Variants in MYH13 observed in about 807,000 individuals in gnomAD.
MYH13 encodes the protein myosin-13.
Under a neutral mutation model 232.1 loss-of-function variants are expected in MYH13, and 177 were observed. The observed-to-expected ratio is 0.76, with a 90% CI of 0.67 to 0.86. The LOEUF is 0.86. Ranked by LOEUF, MYH13 falls within the 40% of genes least tolerant of loss-of-function variation. The pLI, the probability that MYH13 is intolerant of heterozygous loss-of-function variation, is 0.00. For synonymous variants in MYH13, 884 were observed against 923.5 expected, an observed-to-expected ratio of 0.96 and a Z score of 0.78; for missense variants, 2,246 against 2,405.9, an observed-to-expected ratio of 0.93 and a Z score of 1.39.
intron 27 of MYH13, among the ~76,000 whole-genome samples, chr17:10,316,328 G>A (rs1182828946): frequency 2.0e-5 from 3 of 152,126 alleles, no homozygotes. Context: ...AGGCGTGGTG[G>A]TGCATGCCTG....
chr17:10,337,505 G>C (rs556277337), intron 18 of MYH13, among the ~76,000 whole-genome samples: 1 of 152,310 alleles, frequency 6.6e-6, no homozygotes, highest in African/African-American at 2.4e-5. Flanking sequence ...GGAGGGACTT[G>C]AGATTTGATC....
rs75894505 is a variant in MYH13 at position 10,310,669 on chromosome 17, G to A, written c.4656+434C>T. On this transcript the variant is annotated intron_variant, in intron 33 of 40. Coordinates refer to ENST00000252172, the MANE Select transcript of MYH13 (RefSeq NM_003802.3). ...AACTGCTCTCCTGTTATCCTGTGTC[G>A]GTTCGTATTTCCCTAGAAACCACCA... Among the ~76,000 whole-genome samples, 344 of 152,122 alleles carry A rather than the reference G, an allele frequency of 2.3e-3. 4 individuals are homozygous for A. In the East Asian group the frequency reaches 0.027, roughly 12 times the overall value.
rs941019053 is a variant in MYH13, at chr17:10,350,462, C to T, written c.1144+94G>A. 36 of 1,508,748 alleles carry T rather than the reference C, an allele frequency of 2.4e-5. No homozygotes were observed. In the South Asian group the frequency reaches 4.7e-4, roughly 20 times the overall value. The allele number at this position is 1,508,748 out of a possible 1,614,324, so 93.5% of individuals were successfully genotyped here. A position where few individuals can be genotyped will look rare whatever the true frequency, so the allele number is the denominator to read the frequency against. On this transcript the variant is annotated intron_variant, in intron 12 of 40. Coordinates refer to ENST00000252172, the MANE Select transcript of MYH13 (RefSeq NM_003802.3). ...TTTGATTTATGCAGTTTTGGAAGAA[C>T]AGCTCTTGAAATGAATGCAGTTTAT...
At chr17:10,329,188 G>A (rs1422150711) in intron 21 of MYH13, among the ~76,000 whole-genome samples, 3 of 152,116 alleles carry the variant, frequency 2.0e-5, no homozygotes, top group Non-Finnish European at 4.4e-5. Context: ...CATACATGGT[G>A]GCGGTTCATT....
chr17:10,306,639 T>C lies in MYH13; in HGVS notation c.5296-10A>G. 1 of 1,613,826 alleles carries C rather than the reference T, an allele frequency of 6.2e-7. No homozygotes were observed. Among genetic ancestry groups the C allele is most frequent in the Non-Finnish European group, 8.5e-7 (1 of 1,179,972 alleles). ...CAGCCATCATGGCAGCCTGGTTAAG[T>C]TCACAGGACACATCAGAGGCCCTGT... On this transcript the variant is annotated splice_polypyrimidine_tract_variant and intron_variant, in intron 36 of 40. Transcript: ENST00000252172. This position sits in a 1 kb window ranked among gnomAD's most constrained non-coding sequence, Gnocchi z 4.3.
chr17:10,346,341 A>G (rs2071666341), intron 13 of MYH13, among the ~76,000 whole-genome samples: 1 of 152,102 alleles, frequency 6.6e-6, no homozygotes, highest in Non-Finnish European at 1.5e-5. Flanking sequence ...CTTGGGAGCT[A>G]TGGGGTGGCC....
chr17:10,311,937 A>G lies in MYH13; in HGVS notation c.4505T>C (p.Leu1502Pro), dbSNP rs372298751. The change falls in exon 32 of 41, where the codon CTG (leucine) becomes CCG (proline). Residue 1502 changes from leucine to proline, a missense_variant. Coordinates refer to ENST00000252172, the MANE Select transcript of MYH13 (RefSeq NM_003802.3). ...TTGCAGATTTTTGTTCTCTCGCCTC[A>G]GTGTCTCTAACTGGTCCACCACCTC... ...YEEVVDQLET[L>P]RRENKNLQEE... 3.7e-6 allele frequency: 6 copies of G among 1,613,954 alleles called. No individual in the cohort carries two copies. Among genetic ancestry groups the G allele is most frequent in the Non-Finnish European group, 5.1e-6 (6 of 1,179,892 alleles).
chr17:10,324,392 G>T, intron 22 of MYH13, 128 bp from the exon 23 acceptor site: 1 of 1,010,536 alleles, frequency 9.9e-7, no homozygotes, highest in Non-Finnish European at 1.5e-6. Context: ...ACACATGCAC[G>T]CACATGTGCA....
intron 16 of MYH13, among the ~76,000 whole-genome samples, chr17:10,342,603 C>A (rs1036738980): frequency 6.6e-6 from 1 of 152,124 alleles, no homozygotes; most frequent in African/African-American, 2.4e-5. Context: ...ATACAATGAA[C>A]TATTATTTGT....
chr17:10,345,414 A>G lies in MYH13; in HGVS notation c.1414-42T>C, dbSNP rs759892346. 11 of 1,614,104 alleles carry G rather than the reference A, an allele frequency of 6.8e-6. No individual in the cohort carries two copies. The East Asian group carries it at 2.0e-4, about 29-fold the overall frequency. On this transcript the variant is annotated intron_variant, in intron 14 of 40. Transcript: ENST00000252172. ...CCAAAGAATTTGAGTGAGCTTGGAAAATACATTGGAGATTCAGCAAAGCAG... is the reference window on the plus strand; with the variant it reads ...CCAAAGAATTTGAGTGAGCTTGGAAGATACATTGGAGATTCAGCAAAGCAG...
chr17:10,352,587 C>CAA (rs11459359), intron 11 of MYH13, among the ~76,000 whole-genome samples: 8 of 150,088 alleles, frequency 5.3e-5, no homozygotes, highest in East Asian at 4.0e-4. Context: ...GACTCCATCT[C>CAA]AAAAAAAACA....
chr17:10,359,013 C>T (rs564051882), intron 7 of MYH13, among the ~76,000 whole-genome samples: 1 of 152,344 alleles, frequency 6.6e-6, no homozygotes, highest in African/African-American at 2.4e-5. Flanking sequence ...CCACTTCCTG[C>T]TTTGCTCCAT....
chr17:10,320,827 C>T (rs560594837), intron 24 of MYH13, among the ~76,000 whole-genome samples: 1 of 152,326 alleles, frequency 6.6e-6, no homozygotes, highest in African/African-American at 2.4e-5. Flanking sequence ...CAAATGGGGG[C>T]TTCTGTGGAC....
At chr17:10,360,508 G>A (rs2142273428) in intron 5 of MYH13, among the ~76,000 whole-genome samples, 1 of 152,276 alleles carries the variant, frequency 6.6e-6, no homozygotes, top group African/African-American at 2.4e-5. Context: ...CATAAAGAAA[G>A]CAAGTGTCAG....
chr17:10,307,436 C>T lies in MYH13; in HGVS notation c.5170-372G>A, dbSNP rs187599009. On this transcript the variant is annotated intron_variant, in intron 35 of 40. Transcript: ENST00000252172. ...CCATAAATAGAATTGTAAGGGGTGACGACAAACTGGAAAACATTTGCAATG... is the reference window on the plus strand; with the variant it reads ...CCATAAATAGAATTGTAAGGGGTGATGACAAACTGGAAAACATTTGCAATG... 6.4e-4 allele frequency among the ~76,000 whole-genome samples: 97 copies of T among 151,868 alleles called. 1 individual carries two copies. Among genetic ancestry groups the T allele is most frequent in the South Asian group, 1.9e-3 (9 of 4,802 alleles).
intron 8 of MYH13, 41 bp downstream of exon 8, chr17:10,357,694 A>AT (rs1567671982): frequency 6.4e-7 from 1 of 1,570,534 alleles, no homozygotes; most frequent in Non-Finnish European, 8.8e-7. Flanking sequence ...AGGAGAGGGT[A>AT]TGCTTTTGGG....
In MYH13 at chr17:10,320,214, G is replaced by T; in HGVS notation, c.3287C>A (p.Ala1096Asp). ...GTGGACTTGTTCGTCATCTATTTTG[G>T]CTTGTAACTGACTGAGTTCAAACTC... ...KKEFELSQLQ[A>D]KIDDEQVHSL... is the part of the protein sequence containing the mutation. The change falls in exon 26 of 41, where the codon GCC (alanine) becomes GAC (aspartate). Residue 1096 changes from alanine to aspartate, a missense_variant. Coordinates refer to ENST00000252172, the MANE Select transcript of MYH13 (RefSeq NM_003802.3). 6.2e-7 allele frequency: 1 copy of T among 1,605,094 alleles called. No individual in the cohort carries two copies. The highest frequency in any genetic ancestry group is 8.5e-7 in the Non-Finnish European group (1 of 1,175,424).
chr17:10,369,304 G>A (rs1034442105), intron 2 of MYH13, among the ~76,000 whole-genome samples: 12 of 152,128 alleles, frequency 7.9e-5, no homozygotes, highest in East Asian at 1.9e-4. Flanking sequence ...CTTAGGAAGC[G>A]TGCTACATCC....
At chr17:10,357,863 G>C (rs777885930) in intron 7 of MYH13, 36 bp from the exon 8 acceptor site, 8 of 1,582,760 alleles carry the variant, frequency 5.1e-6, no homozygotes, top group Non-Finnish European at 6.9e-6. Flanking sequence ...AGAGGACTTT[G>C]GATGGTTTTC....
Sources: gnomAD v4.1 joint callset for allele counts (sites outside exome capture counted in the v4.1 genomes callset) on GRCh38, gnomAD v4.1.1 for gene constraint, Gnocchi (gnomAD v3.1) non-coding constraint, MANE v1.5 for transcripts, NCBI Gene and HGNC (gene_info 2026-07-23, HGNC 2026-07-21) for gene names.